Variants in LMNTD1 observed in about 807,000 individuals in gnomAD.
The protein encoded by LMNTD1 is lamin tail domain containing 1, also known as lamin tail domain-containing protein 1.
LMNTD1 carries 35 observed loss-of-function variants against 50.9 expected under a neutral mutation model. That is an observed-to-expected ratio of 0.69 (90% CI 0.53 to 0.91). The LOEUF is 0.91. Ranked by LOEUF, LMNTD1 falls within the 40% of genes least tolerant of loss-of-function variation. LMNTD1 has a pLI of 0.00. For missense variants in LMNTD1, 470 were observed against 475.5 expected (o/e 0.99, Z 0.11); for synonymous variants, 153 against 161.9 (o/e 0.94, Z 0.42).
intron 1 of LMNTD1, chr12:25,648,424 T>C (rs1209810637): frequency 2.4e-5 from 29 of 1,212,878 alleles, no homozygotes; most frequent in Non-Finnish European, 7.2e-6. Context: ...CAGGTGTTAG[T>C]ATAAAAAGGA....
chr12:25,543,045 T>C (rs1005523896), intron 4 of LMNTD1, among the ~76,000 whole-genome samples: 7 of 151,972 alleles, frequency 4.6e-5, no homozygotes, highest in Non-Finnish European at 1.0e-4. Flanking sequence ...TGGACACATT[T>C]CTTGAAAGAC....
At chr12:25,636,904 C>T (rs962113840) in intron 1 of LMNTD1, among the ~76,000 whole-genome samples, 1 of 151,336 alleles carries the variant, frequency 6.6e-6, no homozygotes, top group African/African-American at 2.4e-5. Flanking sequence ...AACCAAAAGT[C>T]ATATGTTCTC....
At chr12:25,489,058 G>T (rs1400037151) in intron 9 of LMNTD1, among the ~76,000 whole-genome samples, 1 of 152,142 alleles carries the variant, frequency 6.6e-6, no homozygotes, top group African/African-American at 2.4e-5. Context: ...ATTTAAGTCT[G>T]CAGAGGTTAC....
At chr12:25,574,534 ATTG>A (rs1205157583) in intron 1 of LMNTD1, among the ~76,000 whole-genome samples, 3 of 152,142 alleles carry the variant, frequency 2.0e-5, no homozygotes, top group Admixed American at 6.5e-5. Context: ...AAATATAATT[ATTG>A]TTATTATTAA....
intron 1 of LMNTD1, among the ~76,000 whole-genome samples, chr12:25,562,260 G>C (rs902649260): frequency 1.3e-5 from 2 of 152,168 alleles, no homozygotes; most frequent in African/African-American, 4.8e-5. Flanking sequence ...CCATGTTTTT[G>C]CAGTGGCTTG....
intron 9 of LMNTD1, among the ~76,000 whole-genome samples, chr12:25,489,399 G>A (rs913488875): frequency 6.6e-5 from 10 of 151,646 alleles, no homozygotes; most frequent in African/African-American, 1.5e-4. Flanking sequence ...TTCCAGGTGC[G>A]TCCGTCACCC....
chr12:25,527,328 T>C (rs1941800489), intron 4 of LMNTD1, among the ~76,000 whole-genome samples: 1 of 149,972 alleles, frequency 6.7e-6, no homozygotes, highest in South Asian at 2.1e-4. Flanking sequence ...TCATTTACTT[T>C]ATTTCTGATA....
At chr12:25,544,928 A>G (rs1214105675) in intron 4 of LMNTD1, among the ~76,000 whole-genome samples, 4 of 151,804 alleles carry the variant, frequency 2.6e-5, no homozygotes, top group Admixed American at 6.6e-5. Context: ...TATACTGCCT[A>G]TCTCTTAGCA....
chr12:25,558,447 C>T (rs148944410), intron 1 of LMNTD1, among the ~76,000 whole-genome samples: 5,225 of 151,866 alleles, frequency 0.034, 321 homozygotes, highest in African/African-American at 0.12. Flanking sequence ...TTGCTATATT[C>T]CATAGGTTTT....
chr12:25,558,601 C>G (rs184575983), intron 1 of LMNTD1, among the ~76,000 whole-genome samples: 109 of 152,182 alleles, frequency 7.2e-4, no homozygotes, highest in African/African-American at 2.5e-3. Flanking sequence ...AAGACATATC[C>G]GACACTGGGT....
chr12:25,579,381 GT>G (rs1329838221), intron 1 of LMNTD1, among the ~76,000 whole-genome samples: 1 of 152,056 alleles, frequency 6.6e-6, no homozygotes, highest in East Asian at 1.9e-4. Flanking sequence ...AAGTATACAG[GT>G]GGTATGTGTA....
chr12:25,485,322 C>T (rs1316496941), intron 9 of LMNTD1, among the ~76,000 whole-genome samples: 1 of 146,260 alleles, frequency 6.8e-6, no homozygotes, highest in Non-Finnish European at 1.5e-5. Flanking sequence ...AGTGTCTGTT[C>T]ATATCCTTCA....
At chr12:25,524,676 A>G (rs1301763524) in intron 6 of LMNTD1, among the ~76,000 whole-genome samples, 4 of 148,494 alleles carry the variant, frequency 2.7e-5, no homozygotes, top group Non-Finnish European at 5.9e-5. Flanking sequence ...CTTAATCCTA[A>G]ACTGGGTTTT....
intron 8 of LMNTD1, among the ~76,000 whole-genome samples, chr12:25,513,888 G>A (rs1940526247): frequency 6.6e-6 from 1 of 152,076 alleles, no homozygotes; most frequent in Non-Finnish European, 1.5e-5. Flanking sequence ...AAAAAAATGA[G>A]AAAATATCAA....
At chr12:25,617,878 GTACTTGAAGGA>G (rs1384212168) in intron 1 of LMNTD1, among the ~76,000 whole-genome samples, 2 of 152,186 alleles carry the variant, frequency 1.3e-5, no homozygotes, top group East Asian at 3.8e-4. Context: ...ATCTGAAGAA[GTACTTGAAGGA>G]TACAACAGTA....
In LMNTD1 at chr12:25,549,289, A is replaced by C. The variant is rs1156601629; in HGVS notation, c.310+37T>G. 3.4e-6 allele frequency: 4 copies of C among 1,186,792 alleles called. No individual in the cohort carries two copies. The African/African-American group carries it at 4.6e-5, about 14-fold the overall frequency. The allele number at this position is 1,186,792 out of a possible 1,614,324, so 73.5% of individuals were successfully genotyped here. A position where few individuals can be genotyped will look rare whatever the true frequency, so the allele number is the denominator to read the frequency against. ...CAATCTATTGAAATATAAGCTTTAA[A>C]AGTACTCTAAAAATATGGGTTCCAT... On this transcript the variant is annotated intron_variant, in intron 3 of 9. Transcript: ENST00000458174.
At chr12:25,610,429 T>C (rs1038881061) in intron 1 of LMNTD1, among the ~76,000 whole-genome samples, 2 of 152,196 alleles carry the variant, frequency 1.3e-5, no homozygotes, top group Non-Finnish European at 2.9e-5. Context: ...TCAGTCACAC[T>C]GAGAGCTGCA....
rs751829953 is a variant in LMNTD1, at chr12:25,526,062, A to T, written c.798+37T>A. 276 of 930,440 alleles carry T rather than the reference A, an allele frequency of 3.0e-4. 2 individuals carry two copies. In the Admixed American group the frequency reaches 7.2e-3, roughly 24 times the overall value. The allele number at this position is 930,440 out of a possible 1,614,324, so 57.6% of individuals were successfully genotyped here. A position where few individuals can be genotyped will look rare whatever the true frequency, so the allele number is the denominator to read the frequency against. ...GATATGCTCAATAAGCACAATATTT[A>T]AAAAAAAAAAACGATTGTTAAGAAC... On this transcript the variant is annotated intron_variant, in intron 6 of 9. Coordinates refer to ENST00000458174, the MANE Select transcript of LMNTD1 (RefSeq NM_001145728.2).
chr12:25,631,451 C>T (rs912366325), intron 1 of LMNTD1, among the ~76,000 whole-genome samples: 1 of 152,174 alleles, frequency 6.6e-6, no homozygotes, highest in Admixed American at 6.5e-5. Context: ...CTGAGAGACC[C>T]ATAGACAGTT....
Sources: gnomAD v4.1 joint callset for allele counts (sites outside exome capture counted in the v4.1 genomes callset) on GRCh38, gnomAD v4.1.1 for gene constraint, MANE v1.5 for transcripts, NCBI Gene and HGNC (gene_info 2026-07-23, HGNC 2026-07-21) for gene names.